Variants in RPS6KC1 observed in about 807,000 individuals in gnomAD.
RPS6KC1 encodes the protein ribosomal protein S6 kinase C1.
In RPS6KC1, 54 loss-of-function variants were observed where a neutral mutation model predicts 103.8. The observed-to-expected ratio is 0.52, with a 90% CI of 0.42 to 0.65. The LOEUF (loss-of-function observed/expected upper bound fraction) is 0.65, where lower values mean the gene tolerates loss of function less well. Ranked by LOEUF, RPS6KC1 falls within the 30% of genes least tolerant of loss-of-function variation. The pLI, the probability that RPS6KC1 is intolerant of heterozygous loss-of-function variation, is 0.00. For missense variants in RPS6KC1, 1,151 were observed against 1,253.8 expected, an observed-to-expected ratio of 0.92 and a Z score of 1.24; for synonymous variants, 439 against 438.7, an observed-to-expected ratio of 1.00 and a Z score of -0.01.
chr1:213,578,931 T>G, the RPS6KC1 span, among the ~76,000 whole-genome samples: 7 of 151,982 alleles, frequency 4.6e-5, no homozygotes, highest in African/African-American at 1.7e-4. Flanking sequence ...ACATAATATT[T>G]GGGAGGGACC....
chr1:213,494,150 G>C, the RPS6KC1 span, among the ~76,000 whole-genome samples: 9 of 152,152 alleles, frequency 5.9e-5, no homozygotes, highest in South Asian at 1.9e-3. Flanking sequence ...TACAGAAATG[G>C]TTGGGACTAG....
chr1:213,067,076 C>T (rs1283104013), intron 1 of RPS6KC1, among the ~76,000 whole-genome samples: 2 of 152,266 alleles, frequency 1.3e-5, no homozygotes, highest in East Asian at 1.9e-4. Flanking sequence ...AAGCCCCCTC[C>T]CCACGTCGAG....
chr1:213,638,199 A>G, the RPS6KC1 span, among the ~76,000 whole-genome samples: 1 of 152,028 alleles, frequency 6.6e-6, no homozygotes, highest in East Asian at 1.9e-4. Flanking sequence ...ATCTTTTTTG[A>G]TGATATATTC....
At chr1:213,399,418 T>C in the RPS6KC1 span, among the ~76,000 whole-genome samples, 1 of 152,098 alleles carries the variant, frequency 6.6e-6, no homozygotes, top group Non-Finnish European at 1.5e-5. Flanking sequence ...TCCAGAAAGA[T>C]GTGAGCCTTG....
At chr1:213,858,583 C>A in the RPS6KC1 span, among the ~76,000 whole-genome samples, 1 of 152,100 alleles carries the variant, frequency 6.6e-6, no homozygotes, top group South Asian at 2.1e-4. Flanking sequence ...GGACATGATC[C>A]CAGTTGGAAA....
chr1:213,571,136 A>G, the RPS6KC1 span, among the ~76,000 whole-genome samples: 5 of 152,186 alleles, frequency 3.3e-5, no homozygotes, highest in Non-Finnish European at 5.9e-5. Flanking sequence ...TTGTAGACAA[A>G]TATTAAATAG....
At chr1:213,365,342 T>C in the RPS6KC1 span, among the ~76,000 whole-genome samples, 2 of 152,342 alleles carry the variant, frequency 1.3e-5, no homozygotes, top group Admixed American at 1.3e-4. Flanking sequence ...ACCTGAGCTT[T>C]CTTTGGGCTG....
the RPS6KC1 span, among the ~76,000 whole-genome samples, chr1:213,295,066 G>T: frequency 6.6e-6 from 1 of 152,146 alleles, no homozygotes; most frequent in African/African-American, 2.4e-5. Flanking sequence ...TCTGCTACTT[G>T]GTTTGAAAAT....
At chr1:213,547,846 C>T in the RPS6KC1 span, among the ~76,000 whole-genome samples, 2 of 152,194 alleles carry the variant, frequency 1.3e-5, no homozygotes, top group Non-Finnish European at 2.9e-5. Flanking sequence ...TCTTGTACTG[C>T]TGGCATAACT....
chr1:213,404,212 G>T, the RPS6KC1 span, among the ~76,000 whole-genome samples: 52 of 152,280 alleles, frequency 3.4e-4, 1 homozygote, highest in South Asian at 0.011. Flanking sequence ...ATTGGCCGTG[G>T]GCTGCCTTCG....
chr1:213,370,287 T>TTTTATTTTATTTTATTTTATTTTATTTTA, the RPS6KC1 span, among the ~76,000 whole-genome samples: 1,951 of 127,558 alleles, frequency 0.015, 79 homozygotes, highest in African/African-American at 0.063. Flanking sequence ...ATTTTATTTT[T>TTTTATTTTATTTTATTTTATTTTATTTTA]TTTGCATGTA....
chr1:213,336,265 C>A, the RPS6KC1 span, among the ~76,000 whole-genome samples: 1 of 152,176 alleles, frequency 6.6e-6, no homozygotes, highest in Non-Finnish European at 1.5e-5. Flanking sequence ...GTATTGAAGG[C>A]CCAAAGTGGT....
At chr1:213,403,634 T>A in the RPS6KC1 span, among the ~76,000 whole-genome samples, 1 of 152,176 alleles carries the variant, frequency 6.6e-6, no homozygotes, top group African/African-American at 2.4e-5. Context: ...CATTGAGGGT[T>A]TCTCCTAGCT....
chr1:213,371,482 G>A, the RPS6KC1 span, among the ~76,000 whole-genome samples: 1 of 152,094 alleles, frequency 6.6e-6, no homozygotes, highest in Admixed American at 6.5e-5. Flanking sequence ...TGAATCATCT[G>A]ATAACTGTAT....
the RPS6KC1 span, among the ~76,000 whole-genome samples, chr1:213,483,637 A>G: frequency 1.2e-4 from 19 of 152,142 alleles, no homozygotes; most frequent in African/African-American, 4.6e-4. Flanking sequence ...GAGCTTTGAT[A>G]GTTTGTGTCT....
chr1:213,850,980 T>C, the RPS6KC1 span, among the ~76,000 whole-genome samples: 57 of 152,254 alleles, frequency 3.7e-4, no homozygotes, highest in African/African-American at 1.2e-3. Flanking sequence ...GGGGACTCCA[T>C]GGAGCCCTTC....
the RPS6KC1 span, among the ~76,000 whole-genome samples, chr1:213,723,233 G>C: frequency 2.6e-5 from 4 of 152,188 alleles, no homozygotes; most frequent in African/African-American, 9.6e-5. Flanking sequence ...TAAAGAATTA[G>C]TGCTTCAAAC....
the RPS6KC1 span, among the ~76,000 whole-genome samples, chr1:213,539,434 T>C: frequency 6.6e-5 from 10 of 152,232 alleles, no homozygotes; most frequent in Admixed American, 5.9e-4. Context: ...CAGTTTCTTT[T>C]TCATGAGCCG....
chr1:213,442,132 T>G, the RPS6KC1 span, among the ~76,000 whole-genome samples: 1 of 152,206 alleles, frequency 6.6e-6, no homozygotes, highest in African/African-American at 2.4e-5. Flanking sequence ...CAGAATCTCT[T>G]GGAAAGGAAC....
Sources: allele counts gnomAD v4.1 joint callset (sites outside exome capture counted in the v4.1 genomes callset), GRCh38; gene constraint gnomAD v4.1.1; transcripts MANE v1.5; gene names NCBI Gene and HGNC (gene_info 2026-07-23, HGNC 2026-07-21).